Variants in ADGRV1 observed in about 807,000 individuals in gnomAD.
ADGRV1 encodes adhesion G protein-coupled receptor V1.
ADGRV1 carries 359 observed loss-of-function variants against 596.2 expected under a neutral mutation model. The ratio of observed to expected loss-of-function variants is 0.60; its 90% confidence interval spans 0.55 to 0.66. The LOEUF (loss-of-function observed/expected upper bound fraction) is 0.66, where lower values mean the gene tolerates loss of function less well. Ranked by LOEUF, ADGRV1 falls within the 30% of genes least tolerant of loss-of-function variation. ADGRV1 has a pLI of 0.00. For synonymous variants in ADGRV1, 2,681 were observed against 2,679.2 expected, an observed-to-expected ratio of 1.00 and a Z score of -0.02; for missense variants, 7,274 against 7,575.6, an observed-to-expected ratio of 0.96 and a Z score of 1.48.
At chr5:90,852,181 C>G (rs1204521606) in intron 79 of ADGRV1, among the ~76,000 whole-genome samples, 49 of 152,122 alleles carry the variant, frequency 3.2e-4, no homozygotes, top group Admixed American at 3.2e-3. Context: ...TTGAAGGCAC[C>G]AATTCAAATA....
At chr5:90,694,975 C>CT (rs1238365313) in intron 33 of ADGRV1, among the ~76,000 whole-genome samples, 1 of 152,090 alleles carries the variant, frequency 6.6e-6, no homozygotes, top group Non-Finnish European at 1.5e-5. Flanking sequence ...ATAGTAGTGT[C>CT]TTTGACAAAG....
intron 85 of ADGRV1, among the ~76,000 whole-genome samples, chr5:91,012,506 A>T (rs572640156): frequency 6.6e-6 from 1 of 151,838 alleles, no homozygotes; most frequent in South Asian, 2.1e-4. Context: ...ATAGCTATTT[A>T]TTTGAACCAT....
At chr5:90,613,709 A>G (rs1762991384) in intron 1 of ADGRV1, among the ~76,000 whole-genome samples, 1 of 152,110 alleles carries the variant, frequency 6.6e-6, no homozygotes, top group Non-Finnish European at 1.5e-5. Flanking sequence ...GTGAGACATC[A>G]TTGAGCAGTC....
At chr5:91,006,829 T>G (rs1291335419) in intron 85 of ADGRV1, among the ~76,000 whole-genome samples, 1 of 152,224 alleles carries the variant, frequency 6.6e-6, no homozygotes, top group Non-Finnish European at 1.5e-5. Flanking sequence ...TCTGTTCTTC[T>G]GTATCTGGAC....
At chr5:91,032,369 G>A (rs906278540) in intron 85 of ADGRV1, among the ~76,000 whole-genome samples, 1 of 152,292 alleles carries the variant, frequency 6.6e-6, no homozygotes, top group Admixed American at 6.5e-5. Context: ...GAAAAGTTAT[G>A]ATGCTATTGT....
At chr5:91,047,746 ATGAGGTCTAATCATAAAG>A (rs1252261611) in intron 85 of ADGRV1, among the ~76,000 whole-genome samples, 1 of 152,198 alleles carries the variant, frequency 6.6e-6, no homozygotes, top group African/African-American at 2.4e-5. Flanking sequence ...GTTAGGATTC[ATGAGGTCTAATCATAAAG>A]TGATACTATT....
In ADGRV1 at chr5:90,778,458, G is replaced by T. The variant is rs1471254988; in HGVS notation, c.12698G>T (p.Ser4233Ile). 1 of 1,612,758 alleles carries T rather than the reference G, an allele frequency of 6.2e-7. No individual in the cohort carries two copies. The highest frequency in any genetic ancestry group is 1.7e-5 in the Admixed American group (1 of 59,850). ...AACGATGACATTCCCGAGGAAAAAAGCTTCTATGAGTTTCAGCTCACTGCA... is the reference window on the plus strand; with the variant it reads ...AACGATGACATTCCCGAGGAAAAAATCTTCTATGAGTTTCAGCTCACTGCA... ...ALNDDIPEEK[S>I]FYEFQLTAVS... Residue 4233 changes from serine to isoleucine, a missense_variant, in exon 63 of 90, where the codon AGC becomes ATC. Ser to Ile is a moderately radical substitution (Grantham distance 142). This residue lies in a region of ADGRV1 where 3,643 missense variants were observed against 3,809.2 expected (regional missense o/e 0.96). Coordinates refer to ENST00000405460, the MANE Select transcript of ADGRV1 (RefSeq NM_032119.4).
At chr5:90,636,886 C>T (rs1167942524) in intron 10 of ADGRV1, among the ~76,000 whole-genome samples, 2 of 151,964 alleles carry the variant, frequency 1.3e-5, no homozygotes, top group African/African-American at 4.8e-5. Flanking sequence ...TGTAATCTAG[C>T]ATTAAATATT....
chr5:90,773,096 G>A (rs966708711), intron 59 of ADGRV1, among the ~76,000 whole-genome samples: 1 of 151,930 alleles, frequency 6.6e-6, no homozygotes, highest in Admixed American at 6.6e-5. Context: ...TTGAACCTGG[G>A]AGGCAGAGGT....
chr5:90,725,270 TA>T, intron 47 of ADGRV1, 38 bp downstream of exon 47: 1 of 1,157,068 alleles, frequency 8.6e-7, no homozygotes, highest in Non-Finnish European at 1.2e-6. Flanking sequence ...TTACTTTCTT[TA>T]AAAGAAATTA....
chr5:90,779,367 A>T, intron 64 of ADGRV1: 1 of 214,564 alleles, frequency 4.7e-6, no homozygotes, highest in South Asian at 1.4e-4. Context: ...GAAGTTGAAT[A>T]TGATAACGGC....
intron 74 of ADGRV1, 110 bp downstream of exon 74, chr5:90,811,448 C>G (rs1762433179): frequency 7.0e-6 from 7 of 999,742 alleles, no homozygotes; most frequent in Middle Eastern, 5.7e-4. Context: ...TTAAGTTATT[C>G]ATAGGAATGC....
chr5:90,698,562 T>TCAAA (rs1747498584), intron 34 of ADGRV1, among the ~76,000 whole-genome samples: 2 of 152,102 alleles, frequency 1.3e-5, no homozygotes, highest in Non-Finnish European at 2.9e-5. Context: ...TTTGAAGTTA[T>TCAAA]TTGAGTTGGA....
intron 67 of ADGRV1, among the ~76,000 whole-genome samples, chr5:90,787,590 C>CTTTTTTTTTTTTTTTTTTTTTT (rs35504697): frequency 8.4e-6 from 1 of 118,906 alleles, no homozygotes. Flanking sequence ...TTCTTTCTTT[C>CTTTTTTTTTTTTTTTTTTTTTT]TTTTTTTTTT....
intron 1 of ADGRV1, among the ~76,000 whole-genome samples, chr5:90,581,987 A>G (rs1296259782): frequency 1.3e-5 from 2 of 152,024 alleles, no homozygotes; most frequent in African/African-American, 4.8e-5. Flanking sequence ...TGTATTGTGT[A>G]ATTTGGAGCG....
At chr5:91,032,502 A>T (rs1301431806) in intron 85 of ADGRV1, among the ~76,000 whole-genome samples, 2 of 152,046 alleles carry the variant, frequency 1.3e-5, no homozygotes, top group African/African-American at 2.4e-5. Context: ...ATATTGGCTT[A>T]TATCATTAGT....
At chr5:90,900,963 A>C (rs1771782843) in intron 83 of ADGRV1, among the ~76,000 whole-genome samples, 1 of 152,120 alleles carries the variant, frequency 6.6e-6, no homozygotes, top group Non-Finnish European at 1.5e-5. Flanking sequence ...TCCCCTGACT[A>C]ATCCCATTTT....
intron 85 of ADGRV1, among the ~76,000 whole-genome samples, chr5:91,051,537 ATTTTTTTTTTTTTTT>A (rs1192844206): frequency 9.8e-6 from 1 of 102,484 alleles, no homozygotes; most frequent in Admixed American, 1.2e-4. Context: ...TTGACTTAGG[ATTTTTTTTTTTTTTT>A]TTTTTTTTTT....
chr5:90,816,856 G>A (rs1235076361), intron 75 of ADGRV1, among the ~76,000 whole-genome samples: 9 of 151,868 alleles, frequency 5.9e-5, no homozygotes, highest in Non-Finnish European at 8.8e-5. Flanking sequence ...ATTGTGAATA[G>A]TGCCGCAATA....
Sources: allele counts gnomAD v4.1 joint callset (sites outside exome capture counted in the v4.1 genomes callset), GRCh38; gene constraint gnomAD v4.1.1; regional missense constraint gnomAD v4.1.1; transcripts MANE v1.5; gene names NCBI Gene and HGNC (gene_info 2026-07-23, HGNC 2026-07-21).